The following PDXDC1 variants were observed in gnomAD, a reference collection of about 807,000 sequenced individuals.
The protein encoded by PDXDC1 is pyridoxal dependent decarboxylase domain containing 1.
A neutral mutation model predicts 100.1 loss-of-function variants in PDXDC1; 42 were observed. The ratio of observed to expected loss-of-function variants is 0.42; its 90% confidence interval spans 0.33 to 0.54. The LOEUF (loss-of-function observed/expected upper bound fraction) is 0.54, where lower values mean the gene tolerates loss of function less well. Ranked by LOEUF, PDXDC1 falls within the 20% of genes least tolerant of loss-of-function variation. The probability of loss-of-function intolerance (pLI) is 0.10; values close to 1 mark genes in which losing one functional copy is unlikely to be tolerated. For synonymous variants in PDXDC1, 260 were observed against 371.7 expected (o/e 0.70, Z 3.46); for missense variants, 636 against 979.2 (o/e 0.65, Z 4.68).
chr16:15,095,388 T>C (rs943558892), intron 16 of PDXDC1, among the ~76,000 whole-genome samples: 3 of 151,748 alleles, frequency 2.0e-5, no homozygotes, highest in African/African-American at 7.3e-5. Flanking sequence ...CTACAAAAAA[T>C]TTAAAAAATA....
At chr16:15,001,489 AAAAT>A (rs1266139996) in intron 3 of PDXDC1, among the ~76,000 whole-genome samples, 35 of 152,392 alleles carry the variant, frequency 2.3e-4, no homozygotes, top group African/African-American at 7.9e-4. Context: ...ACCCTGTCTC[AAAAT>A]AAATAAATAA....
chr16:15,095,229 C>A (rs2046312460), intron 16 of PDXDC1, among the ~76,000 whole-genome samples: 1 of 151,990 alleles, frequency 6.6e-6, no homozygotes, highest in Non-Finnish European at 1.5e-5. Context: ...GAAACAGAGG[C>A]CAAAACCTCG....
intron 1 of PDXDC1, among the ~76,000 whole-genome samples, chr16:14,979,793 A>G (rs147799815): frequency 2.1e-3 from 316 of 152,282 alleles, no homozygotes; most frequent in Non-Finnish European, 3.9e-3. Flanking sequence ...TCAATGGAAC[A>G]TTCCTGATCA....
At chr16:14,993,478 T>A (rs1409598429) in intron 1 of PDXDC1, among the ~76,000 whole-genome samples, 2 of 152,294 alleles carry the variant, frequency 1.3e-5, no homozygotes, top group African/African-American at 4.8e-5. Flanking sequence ...GAACTCACCA[T>A]TTTTTATGGC....
chr16:14,984,258 C>A (rs1968703433), intron 1 of PDXDC1, among the ~76,000 whole-genome samples: 2 of 151,148 alleles, frequency 1.3e-5, no homozygotes, highest in African/African-American at 2.4e-5. Flanking sequence ...GGATCCCTGC[C>A]CTGCTTTCTG....
At chr16:15,003,827 A>G (rs562536054) in intron 4 of PDXDC1, among the ~76,000 whole-genome samples, 2 of 152,320 alleles carry the variant, frequency 1.3e-5, no homozygotes, top group African/African-American at 4.8e-5. Flanking sequence ...TACTAAAAAT[A>G]CAAAAAATTA....
intron 16 of PDXDC1, chr16:15,135,473 C>T (rs2048304731): frequency 1.7e-6 from 2 of 1,206,296 alleles, no homozygotes; most frequent in Non-Finnish European, 1.2e-6. Context: ...AGAACCCCAT[C>T]CAGTTTTAAA....
chr16:15,025,593 A>G (rs1181945860), intron 13 of PDXDC1: 2 of 152,512 alleles, frequency 1.3e-5, no homozygotes, highest in African/African-American at 4.8e-5. Flanking sequence ...TTGAAAAGTT[A>G]GTAGAAAAGA....
intron 19 of PDXDC1, 47 bp downstream of exon 19, chr16:15,033,446 A>G: frequency 1.9e-6 from 3 of 1,599,316 alleles, no homozygotes; most frequent in Non-Finnish European, 2.6e-6. Context: ...GTTTTGTCCC[A>G]CCAAACAGCA....
chr16:15,038,337 G>A (rs1252188539), downstream of PDXDC1: 8 of 697,146 alleles, frequency 1.1e-5, no homozygotes, highest in Non-Finnish European at 1.9e-5. Context: ...AAATGAGGTG[G>A]CCTGAATTAG....
chr16:15,075,638 G>C (rs1296432890), intron 16 of PDXDC1, among the ~76,000 whole-genome samples: 1 of 152,130 alleles, frequency 6.6e-6, no homozygotes, highest in African/African-American at 2.4e-5. Flanking sequence ...GTCTCATTCA[G>C]GGATGTGAAT....
chr16:15,046,425 G>A (rs900132045), intron 16 of PDXDC1, among the ~76,000 whole-genome samples: 3 of 152,180 alleles, frequency 2.0e-5, no homozygotes, highest in Admixed American at 1.3e-4. Context: ...CAGCAGGCCT[G>A]TGTCGTCGGC....
intron 1 of PDXDC1, among the ~76,000 whole-genome samples, chr16:14,992,858 T>C (rs1374245482): frequency 7.9e-5 from 12 of 152,350 alleles, no homozygotes; most frequent in African/African-American, 2.9e-4. Context: ...ACTTTTTTTT[T>C]TTTTTCTTTT....
At chr16:15,100,026 T>G (rs553737492) in intron 16 of PDXDC1, among the ~76,000 whole-genome samples, 1 of 152,320 alleles carries the variant, frequency 6.6e-6, no homozygotes, top group Admixed American at 6.5e-5. Context: ...GAATTTATCA[T>G]TGGCCAATTT....
At position 15,063,111 on chromosome 16, in the gene PDXDC1, C is replaced by T. The variant is rs1829345; in HGVS notation, c.1399+33055C>T. ...CCCTAAAGTGCGGGGATTACACGCA[C>T]GAACGACTTGCCACTTACTATCTCA... On this transcript the variant is annotated intron_variant, in intron 16 of 16. Transcript: ENST00000535621. 123 of 1,031,966 alleles carry T rather than the reference C, an allele frequency of 1.2e-4. 1 individual carries two copies. The South Asian group carries it at 1.3e-3, about 11-fold the overall frequency. The allele number at this position is 1,031,966 out of a possible 1,614,324, so 63.9% of individuals were successfully genotyped here. A position where few individuals can be genotyped will look rare whatever the true frequency, so the allele number is the denominator to read the frequency against.
At chr16:14,991,891 G>A (rs538459432) in intron 1 of PDXDC1, among the ~76,000 whole-genome samples, 49 of 152,368 alleles carry the variant, frequency 3.2e-4, no homozygotes, top group African/African-American at 1.1e-3. Flanking sequence ...GTTGCATTTA[G>A]AGAACAGTAT....
intron 16 of PDXDC1, chr16:15,048,201 C>G: frequency 2.7e-6 from 2 of 739,024 alleles, no homozygotes; most frequent in South Asian, 1.8e-5. Context: ...GGGCAGCACG[C>G]TAGTGTGTGG....
intron 13 of PDXDC1, among the ~76,000 whole-genome samples, chr16:15,023,771 A>T (rs1430476749): frequency 1.3e-5 from 2 of 152,276 alleles, no homozygotes; most frequent in Admixed American, 1.3e-4. Flanking sequence ...CTATCCTTGG[A>T]CGAGGAAGTG....
chr16:15,130,255 C>T (rs761689361), intron 16 of PDXDC1: 22 of 1,547,764 alleles, frequency 1.4e-5, no homozygotes, highest in South Asian at 5.9e-5. Flanking sequence ...GCGCCGAAGG[C>T]GGTGAGGTGG....
Sources: gnomAD v4.1 joint callset for allele counts (sites outside exome capture counted in the v4.1 genomes callset) on GRCh38, gnomAD v4.1.1 for gene constraint, MANE v1.5 for transcripts, NCBI Gene and HGNC (gene_info 2026-07-23, HGNC 2026-07-21) for gene names.